The following ZNF678 variants were observed in gnomAD, a reference collection of about 807,000 sequenced individuals.
The protein encoded by ZNF678 is hypothetical protein MGC42493.
In ZNF678, 5 loss-of-function variants were observed where a neutral mutation model predicts 3.0. The ratio of observed to expected loss-of-function variants is 1.69; its 90% CI spans 0.88 to 3.56. ZNF678 has a LOEUF of 3.56. ZNF678 is among the 30% of genes most tolerant of loss of function. ZNF678 has a pLI of 0.00. For synonymous variants in ZNF678, 218 were observed against 199.6 expected, an observed-to-expected ratio of 1.09 and a Z score of -0.78; for missense variants, 593 against 605.0, an observed-to-expected ratio of 0.98 and a Z score of 0.21.
intron 1 of ZNF678, among the ~76,000 whole-genome samples, chr1:227,570,453 A>AG (rs1053561827): frequency 2.0e-5 from 3 of 152,210 alleles, no homozygotes; most frequent in Admixed American, 6.5e-5. Flanking sequence ...CATTAATCAA[A>AG]GGGCCTGTCT....
At chr1:227,669,667 C>T (rs1170028863) in intron 5 of ZNF678, among the ~76,000 whole-genome samples, 1 of 150,628 alleles carries the variant, frequency 6.6e-6, no homozygotes, top group African/African-American at 2.4e-5. Flanking sequence ...AAAATACCAT[C>T]TCCCACCGGT....
chr1:227,632,360 T>A (rs1459212508), intron 1 of ZNF678, among the ~76,000 whole-genome samples: 1 of 151,900 alleles, frequency 6.6e-6, no homozygotes, highest in Non-Finnish European at 1.5e-5. Flanking sequence ...TAAGGAGAAT[T>A]TTGGGGCTAC....
rs117654232 is a variant in ZNF678 at position 227,675,731 on chromosome 1, G to T, written c.227-1448G>T. 5.0e-3 allele frequency among the ~76,000 whole-genome samples: 756 copies of T among 151,942 alleles called. 18 individuals are homozygous for T. The South Asian group carries it at 0.057, about 11-fold the overall frequency. On this transcript the variant is annotated intron_variant, in intron 5 of 5. Transcript: ENST00000608949. ...CCATATCCTGGGGGGGTGGGGAAAG[G>T]CCCCATAAAAAACACCTATTATGCT...
Position 227,656,872 on chromosome 1 carries a change from A to G in ZNF678, c.*1044A>G, listed in dbSNP as rs550409893. ...TGCATTGAATGAAGTATATCTTGCC[A>G]CAATAATTAACCTATACCACCTTAC... On this transcript the variant is annotated 3_prime_UTR_variant, in exon 4 of 4. Transcript: ENST00000343776. The G allele has an allele frequency of 1.3e-5, 2 of 152,102 alleles. No individual in the cohort carries two copies. Among genetic ancestry groups the G allele is most frequent in the South Asian group, 2.1e-4 (1 of 4,830 alleles). 9.4% of individuals were successfully genotyped at this position (152,102 alleles called of 1,614,324 possible). A position where few individuals can be genotyped will look rare whatever the true frequency, so the allele number is the denominator to read the frequency against.
chr1:227,620,814 T>G (rs757737615), intron 1 of ZNF678, among the ~76,000 whole-genome samples: 2 of 152,244 alleles, frequency 1.3e-5, no homozygotes, highest in African/African-American at 4.8e-5. Context: ...TAGCTACTTG[T>G]GCTGTTAGTC....
Position 227,638,096 on chromosome 1 carries a change from G to A in ZNF678, c.-163-8448G>A, listed in dbSNP as rs1042344854. Among the ~76,000 whole-genome samples the A allele has an allele frequency of 1.3e-5, 2 of 152,170 alleles. No homozygotes were observed. Among genetic ancestry groups the A allele is most frequent in the African/African-American group, 4.8e-5 (2 of 41,432 alleles). On this transcript the variant is annotated intron_variant, in intron 1 of 3. Coordinates refer to ENST00000343776, the MANE Select transcript of ZNF678 (RefSeq NM_001367909.1). This position sits in a 1 kb window ranked among gnomAD's most constrained non-coding sequence, Gnocchi z 4.2. ...CGTGAGCAAGGGCCTGTCCAAAAAGGTGGGGGCTGTCTCTGAAACATTGAG... is the reference window on the plus strand; with the variant it reads ...CGTGAGCAAGGGCCTGTCCAAAAAGATGGGGGCTGTCTCTGAAACATTGAG...
At chr1:227,625,413 T>C (rs1311168776) in intron 1 of ZNF678, among the ~76,000 whole-genome samples, 2 of 152,170 alleles carry the variant, frequency 1.3e-5, no homozygotes, top group Admixed American at 6.5e-5. Context: ...TTCAATGTCA[T>C]CAACATTGGA....
At chr1:227,672,862 C>T (rs1193064930) in intron 5 of ZNF678, among the ~76,000 whole-genome samples, 2 of 152,134 alleles carry the variant, frequency 1.3e-5, no homozygotes, top group East Asian at 3.9e-4. Flanking sequence ...GTGCTGGGGT[C>T]CTAATATCTA....
At chr1:227,654,314 T>A in intron 3 of ZNF678, 22 bp from the exon 4 acceptor site, 2 of 1,486,362 alleles carry the variant, frequency 1.3e-6, no homozygotes, top group East Asian at 2.3e-5. Flanking sequence ...GAAGAATAAC[T>A]TTTTATTTTT....
At chr1:227,581,176 AT>A (rs1657120784) in intron 1 of ZNF678, among the ~76,000 whole-genome samples, 1 of 151,898 alleles carries the variant, frequency 6.6e-6, no homozygotes, top group African/African-American at 2.4e-5. Context: ...TATCCTGTCA[AT>A]TGCTAAGAAA....
At chr1:227,671,302 T>C (rs991399630) in intron 5 of ZNF678, among the ~76,000 whole-genome samples, 25 of 152,046 alleles carry the variant, frequency 1.6e-4, no homozygotes, top group African/African-American at 5.6e-4. Context: ...CTAGAATCAA[T>C]TTTTCTAATG....
At chr1:227,593,093 G>A (rs1306882929) in intron 1 of ZNF678, among the ~76,000 whole-genome samples, 1 of 152,232 alleles carries the variant, frequency 6.6e-6, no homozygotes, top group East Asian at 1.9e-4. Context: ...CGGACTTCAG[G>A]ATATGGCAGA....
intron 1 of ZNF678, among the ~76,000 whole-genome samples, chr1:227,622,662 T>A (rs1307121819): frequency 3.3e-5 from 5 of 152,122 alleles, no homozygotes; most frequent in Non-Finnish European, 7.3e-5. Flanking sequence ...TTTTTTACTA[T>A]TTATTTGTGC....
At chr1:227,664,503 G>A (rs1033735170), downstream of ZNF678, among the ~76,000 whole-genome samples, 2 of 152,126 alleles carry the variant, frequency 1.3e-5, no homozygotes, top group Admixed American at 1.3e-4. Context: ...CTCCTGAGAT[G>A]CCCTGTGTTA....
chr1:227,612,720 G>T (rs759931454), intron 1 of ZNF678, among the ~76,000 whole-genome samples: 1 of 152,104 alleles, frequency 6.6e-6, no homozygotes, highest in Non-Finnish European at 1.5e-5. Context: ...GGCTGCTCTG[G>T]TAAGAAGACT....
intron 1 of ZNF678, among the ~76,000 whole-genome samples, chr1:227,609,489 C>G (rs1444224224): frequency 6.6e-6 from 1 of 152,156 alleles, no homozygotes; most frequent in Non-Finnish European, 1.5e-5. Context: ...CTCCAATTCT[C>G]CACCCTCCAA....
downstream of ZNF678, among the ~76,000 whole-genome samples, chr1:227,667,044 C>T (rs1263210778): frequency 6.6e-6 from 1 of 151,594 alleles, no homozygotes; most frequent in Non-Finnish European, 1.5e-5. Context: ...CGCACCCGGC[C>T]TCTCCTCTTT....
At chr1:227,604,587 A>G (rs1657818472) in intron 1 of ZNF678, among the ~76,000 whole-genome samples, 1 of 152,018 alleles carries the variant, frequency 6.6e-6, no homozygotes, top group African/African-American at 2.4e-5. Flanking sequence ...ATGGGATTTC[A>G]CCATGTTGCA....
At chr1:227,576,698 T>C (rs1030971631) in intron 1 of ZNF678, among the ~76,000 whole-genome samples, 4 of 152,210 alleles carry the variant, frequency 2.6e-5, no homozygotes, top group Non-Finnish European at 5.9e-5. Context: ...CTCCAGGATT[T>C]GCTGATCTTT....
Sources: allele counts gnomAD v4.1 joint callset (sites outside exome capture counted in the v4.1 genomes callset), GRCh38; gene constraint gnomAD v4.1.1; non-coding constraint Gnocchi (gnomAD v3.1); transcripts MANE v1.5; gene names NCBI Gene and HGNC (gene_info 2026-07-23, HGNC 2026-07-21).